The following ZNF677 variants were observed in gnomAD, a reference collection of about 807,000 sequenced individuals.
The protein encoded by ZNF677 is hypothetical protein MGC48625.
Under a neutral mutation model 8.1 loss-of-function variants are expected in ZNF677, and 5 were observed. The observed-to-expected ratio is 0.62, with a 90% confidence interval of 0.32 to 1.29. The LOEUF (loss-of-function observed/expected upper bound fraction) is 1.29, where lower values mean the gene tolerates loss of function less well. ZNF677 is among the 50% of genes most tolerant of loss of function. ZNF677 has a pLI of 0.05. For synonymous variants in ZNF677, 221 were observed against 225.6 expected (o/e 0.98, Z 0.18); for missense variants, 685 against 685.9 (o/e 1.00, Z 0.01).
chr19:53,246,101 A>G (rs1251282541), intron 3 of ZNF677, among the ~76,000 whole-genome samples: 1 of 152,042 alleles, frequency 6.6e-6, no homozygotes, highest in East Asian at 1.9e-4. Context: ...GATGGATCAC[A>G]CGGTCAGGAG....
chr19:53,244,068 T>C (rs1335884768), intron 3 of ZNF677, 171 bp from the exon 4 acceptor site: 12 of 650,526 alleles, frequency 1.8e-5, no homozygotes, highest in Non-Finnish European at 3.0e-5. Flanking sequence ...TAACATAAAA[T>C]TAGCTATTTG....
chr19:53,241,459 T>A (rs2146939202), intron 4 of ZNF677: 2 of 181,912 alleles, frequency 1.1e-5, no homozygotes, highest in Admixed American at 1.2e-4. Context: ...AATGTACAAC[T>A]GCACGTATGG....
chr19:53,236,834 G>C lies in ZNF677; in HGVS notation c.*138C>G, dbSNP rs2090976039. 1.4e-6 allele frequency: 1 copy of C among 732,600 alleles called. No homozygotes were observed. Among genetic ancestry groups the C allele is most frequent in the Admixed American group, 3.7e-5 (1 of 26,940 alleles). 45.4% of individuals were successfully genotyped at this position (732,600 alleles called of 1,614,324 possible). ...TCCACAAGGCTTGAACTTTGGATAA[G>C]CCTTGCCATACATGTTATCTTTGTG... On this transcript the variant is annotated 3_prime_UTR_variant, in exon 5 of 5. Transcript: ENST00000598513.
At chr19:53,245,381 A>G (rs938095984) in intron 3 of ZNF677, among the ~76,000 whole-genome samples, 2 of 152,202 alleles carry the variant, frequency 1.3e-5, no homozygotes, top group African/African-American at 4.8e-5. Context: ...TATATATCTG[A>G]AAAGGGGTTA....
chr19:53,252,770 T>A (rs1330524410), intron 2 of ZNF677, among the ~76,000 whole-genome samples: 1 of 152,054 alleles, frequency 6.6e-6, no homozygotes, highest in African/African-American at 2.4e-5. Flanking sequence ...TGGAGGAACA[T>A]CTACTTAGTG....
At chr19:53,242,591 C>T (rs2091070536) in intron 4 of ZNF677, 3 of 395,082 alleles carry the variant, frequency 7.6e-6, no homozygotes, top group Admixed American at 4.4e-5. Flanking sequence ...AAGGAATGGC[C>T]AAGGGGCTTG....
At chr19:53,254,373 T>C (rs2091282323) in intron 1 of ZNF677, among the ~76,000 whole-genome samples, 1 of 152,174 alleles carries the variant, frequency 6.6e-6, no homozygotes, top group South Asian at 2.1e-4. Flanking sequence ...CCCATCCTGG[T>C]AGCATCCTTT....
At chr19:53,247,695 C>T (rs1475687622) in intron 3 of ZNF677, among the ~76,000 whole-genome samples, 1 of 152,106 alleles carries the variant, frequency 6.6e-6, no homozygotes, top group Non-Finnish European at 1.5e-5. Context: ...GTTACATGTT[C>T]TTGATGGATT....
chr19:53,241,223 A>G (rs1290181717), intron 4 of ZNF677: 1 of 152,156 alleles, frequency 6.6e-6, no homozygotes, highest in African/African-American at 2.4e-5. Context: ...AACAATATTC[A>G]TTCATCTCAT....
intron 4 of ZNF677, chr19:53,241,545 T>C (rs2091049492): frequency 3.1e-6 from 1 of 319,534 alleles, no homozygotes; most frequent in African/African-American, 2.1e-5. Flanking sequence ...GAGAATGCTC[T>C]TCCCAGGAGA....
intron 2 of ZNF677, among the ~76,000 whole-genome samples, chr19:53,252,777 A>G (rs1432379167): frequency 6.6e-6 from 1 of 152,134 alleles, no homozygotes; most frequent in African/African-American, 2.4e-5. Flanking sequence ...ACATCTACTT[A>G]GTGGGAGGCT....
chr19:53,253,943 TCTC>T (rs2091274928), intron 1 of ZNF677, among the ~76,000 whole-genome samples: 1 of 152,118 alleles, frequency 6.6e-6, no homozygotes, highest in African/African-American at 2.4e-5. Flanking sequence ...ATTTCTTGAC[TCTC>T]CTCAAGATCA....
Position 53,238,433 on chromosome 19 carries a change from T to C in ZNF677, c.294A>G (p.Glu98=), listed in dbSNP as rs201826579. 3 of 1,613,884 alleles carry C rather than the reference T, an allele frequency of 1.9e-6. No homozygotes were observed. The highest frequency in any genetic ancestry group is 1.7e-6 in the Non-Finnish European group (2 of 1,179,940). ...SHGINNFDLK[E]VWENMPKFDS... is the part of the protein sequence containing the mutation. ...CAAACTTAGGCATATTTTCCCAGAC[T>C]TCCTTGAGGTCAAAATTGTTGATGC... Residue 98 remains glutamate (E), a synonymous_variant, in exon 5 of 5, where the codon GAA becomes GAG. Coordinates refer to ENST00000598513, the MANE Select transcript of ZNF677 (RefSeq NM_182609.4).
In ZNF677 at chr19:53,235,808, G is replaced by C. The variant is rs1045251683; in HGVS notation, c.*1164C>G. On this transcript the variant is annotated 3_prime_UTR_variant, in exon 5 of 5. Coordinates refer to ENST00000598513, the MANE Select transcript of ZNF677 (RefSeq NM_182609.4). ...CCCAGTCACATCAACAATTCTAAGG[G>C]GTCCTGACCACATAAAGCATATATG... The C allele has an allele frequency of 1.3e-5, 2 of 152,010 alleles. No homozygotes were observed. Among genetic ancestry groups the C allele is most frequent in the African/African-American group, 4.8e-5 (2 of 41,346 alleles). 9.4% of individuals were successfully genotyped at this position (152,010 alleles called of 1,614,324 possible).
chr19:53,247,402 CA>C (rs754782609), intron 3 of ZNF677, among the ~76,000 whole-genome samples: 91 of 148,630 alleles, frequency 6.1e-4, no homozygotes, highest in Non-Finnish European at 1.1e-3. Flanking sequence ...AAAAAAAAAT[CA>C]CAAAAAAATC....
rs1271289897 is a variant in ZNF677, at chr19:53,238,165, CA to C, written c.561del (p.Phe187LeufsTer7). ...TGTAAGCTTAATCCAATTTTATTTT[CA>C]AAACACTTCACGTATTTGTTTCCGG... ...RYAGNKYVKCFENKIGLSLQA... is the reference protein window; with the variant it reads ...RYAGNKYVKCXENKIGLSLQA... On this transcript the variant is annotated frameshift_variant, in exon 5 of 5. Coordinates refer to ENST00000598513, the MANE Select transcript of ZNF677 (RefSeq NM_182609.4). LOFTEE classifies it low-confidence loss of function (END_TRUNC). The C allele has an allele frequency of 3.7e-6, 6 of 1,612,970 alleles. No individual in the cohort carries two copies. The highest frequency in any genetic ancestry group is 5.1e-6 in the Non-Finnish European group (6 of 1,179,580).
rs942241833 is a variant in ZNF677, at chr19:53,236,713, T to C, written c.*259A>G. On this transcript the variant is annotated 3_prime_UTR_variant, in exon 5 of 5. Transcript: ENST00000598513. ...ATTTGTATGGTTTCCATCCTGAATG[T>C]CTTCTGTTATAACCATAATAGGGTA... 7.7e-5 allele frequency: 21 copies of C among 272,196 alleles called. No homozygotes were observed. The highest frequency in any genetic ancestry group is 2.8e-4 in the Admixed American group (6 of 21,110). 16.9% of individuals were successfully genotyped at this position (272,196 alleles called of 1,614,324 possible).
At position 53,238,051 on chromosome 19, in the gene ZNF677, C is replaced by T; in HGVS notation, c.676G>A (p.Val226Ile). 1 of 1,613,990 alleles carries T rather than the reference C, an allele frequency of 6.2e-7. No individual in the cohort carries two copies. The highest frequency in any genetic ancestry group is 2.2e-5 in the East Asian group (1 of 44,868). ...TTGACACAAGGAGGAAGTGGTGAAA[C>T]TGAGGAACTATTGATAGACTTCTCA... is the stretch of plus-strand genomic sequence containing the variant. Reference protein sequence around the residue: ...PVEKSINSSSVSPLPPCVKNI... With the variant: ...PVEKSINSSSISPLPPCVKNI... Residue 226 changes from valine to isoleucine, a missense_variant, in exon 5 of 5, where the codon GTT becomes ATT. Coordinates refer to ENST00000598513, the MANE Select transcript of ZNF677 (RefSeq NM_182609.4).
In ZNF677 at chr19:53,235,533, A is replaced by G. The variant is rs962093684; in HGVS notation, c.*1439T>C. The G allele has an allele frequency of 6.6e-6, 1 of 152,200 alleles. No individual in the cohort carries two copies. The highest frequency in any genetic ancestry group is 1.5e-5 in the Non-Finnish European group (1 of 68,026). The allele number at this position is 152,200 out of a possible 1,614,324, so 9.4% of individuals were successfully genotyped here. ...GGTTCTTTTGATGGAACTGTCCTCTATGGTAACCATTCTCTCTTCAGTTTC... is the reference window on the plus strand; with the variant it reads ...GGTTCTTTTGATGGAACTGTCCTCTGTGGTAACCATTCTCTCTTCAGTTTC... On this transcript the variant is annotated 3_prime_UTR_variant, in exon 5 of 5. Transcript: ENST00000598513.
Sources: gnomAD v4.1 joint callset for allele counts (sites outside exome capture counted in the v4.1 genomes callset) on GRCh38, gnomAD v4.1.1 for gene constraint, MANE v1.5 for transcripts, NCBI Gene and HGNC (gene_info 2026-07-23, HGNC 2026-07-21) for gene names.